DIPK1C: variants seen among roughly 807,000 people sequenced by gnomAD.
The protein encoded by DIPK1C is familial non-conventional Alzheimer's dementia.
Under a neutral mutation model 28.0 loss-of-function variants are expected in DIPK1C, and 33 were observed. The observed-to-expected ratio is 1.18, with a 90% CI of 0.89 to 1.58. DIPK1C has a LOEUF of 1.58. DIPK1C is among the 40% of genes most tolerant of loss of function. The pLI, the probability that DIPK1C is intolerant of heterozygous loss-of-function variation, is 0.00. For synonymous variants in DIPK1C, 255 were observed against 248.8 expected (o/e 1.02, Z -0.23); for missense variants, 569 against 568.5 (o/e 1.00, Z -0.01).
chr18:74,446,822 G>C lies in DIPK1C; in HGVS notation c.660C>G (p.Tyr220Ter). The C allele has an allele frequency of 1.3e-6, 2 of 1,497,568 alleles. No individual in the cohort carries two copies. Among genetic ancestry groups the C allele is most frequent in the Non-Finnish European group, 1.8e-6 (2 of 1,119,006 alleles). 92.8% of individuals were successfully genotyped at this position (1,497,568 alleles called of 1,614,324 possible). Reference protein sequence around the residue: ...LPVLGSCGHFYAVEFLAAGSP... With the variant: ...LPVLGSCGHF ...TGCCCGCGGCCAGGAACTCCACCGCGTAGAAGTGGCCGCAGGAACCCAGCA... is the reference window on the plus strand; with the variant it reads ...TGCCCGCGGCCAGGAACTCCACCGCCTAGAAGTGGCCGCAGGAACCCAGCA... The change falls in exon 2 of 4, where the codon TAC becomes TAG. Residue 220 changes from tyrosine to a stop codon, truncating the protein, a stop_gained. Coordinates refer to ENST00000343998, the MANE Select transcript of DIPK1C (RefSeq NM_001044369.3). LOFTEE classifies it high-confidence loss of function.
rs1986533700 is a variant in DIPK1C, at chr18:74,457,142, C to A, written c.118G>T (p.Ala40Ser). The change falls in exon 1 of 4, where the codon GCG becomes TCG. Residue 40 changes from alanine (A) to serine (S), a missense_variant. Coordinates refer to ENST00000343998, the MANE Select transcript of DIPK1C (RefSeq NM_001044369.3). Reference protein sequence around the residue: ...AWTAGWVLAAALLLRAHPGVL... With the variant: ...AWTAGWVLAASLLLRAHPGVL... Reference sequence around the variant, plus strand: ...CCCGGGTGCGCGCGGAGCAGCAGCGCGGCCGCCAGCACCCAGCCCGCGGTC... The same window carrying A: ...CCCGGGTGCGCGCGGAGCAGCAGCGAGGCCGCCAGCACCCAGCCCGCGGTC... 1.4e-6 allele frequency: 2 copies of A among 1,428,644 alleles called. No homozygotes were observed. Among genetic ancestry groups the A allele is most frequent in the Non-Finnish European group, 1.8e-6 (2 of 1,096,682 alleles). The allele number at this position is 1,428,644 out of a possible 1,614,324, so 88.5% of individuals were successfully genotyped here. A position where few individuals can be genotyped will look rare whatever the true frequency, so the allele number is the denominator to read the frequency against.
chr18:74,456,260 A>C (rs1986509342), intron 1 of DIPK1C, among the ~76,000 whole-genome samples: 1 of 152,234 alleles, frequency 6.6e-6, no homozygotes, highest in South Asian at 2.1e-4. Context: ...AATCAACTAA[A>C]GGTGGGCGTT....
intron 2 of DIPK1C, among the ~76,000 whole-genome samples, chr18:74,446,376 C>T (rs935156367): frequency 6.6e-6 from 1 of 152,224 alleles, no homozygotes; most frequent in African/African-American, 2.4e-5. Context: ...GCTGGCCCGG[C>T]CTCTGCCTCC....
At chr18:74,453,886 G>A (rs1986449578) in intron 1 of DIPK1C, among the ~76,000 whole-genome samples, 1 of 152,142 alleles carries the variant, frequency 6.6e-6, no homozygotes, top group Non-Finnish European at 1.5e-5. Flanking sequence ...ACTTCATAGA[G>A]GTTGTTGAGG....
intron 2 of DIPK1C, among the ~76,000 whole-genome samples, chr18:74,444,393 G>A (rs1986214173): frequency 6.6e-6 from 1 of 152,234 alleles, no homozygotes; most frequent in Non-Finnish European, 1.5e-5. Context: ...CACCTCTGCT[G>A]GGAGGCGCCC....
At chr18:74,458,602 T>TA (rs2144536714), upstream of DIPK1C, among the ~76,000 whole-genome samples, 1 of 11,164 alleles carries the variant, frequency 9.0e-5, no homozygotes, top group Non-Finnish European at 1.5e-4. Context: ...AACAGACCCT[T>TA]GGGGTTTGGG....
chr18:74,436,549 G>C lies in DIPK1C; in HGVS notation c.1212C>G (p.Arg404=). ...RAASSVFWKL[R]QLLQATLREL... is the part of the protein sequence containing the mutation. ...CCCTCAGTGTGGCTTGGAGGAGTTGGCGAAGCTTCCAGAACACGCTGGAGG... is the reference window on the plus strand; with the variant it reads ...CCCTCAGTGTGGCTTGGAGGAGTTGCCGAAGCTTCCAGAACACGCTGGAGG... Residue 404 remains arginine, a synonymous_variant, in exon 4 of 4, where the codon CGC becomes CGG. Coordinates refer to ENST00000343998, the MANE Select transcript of DIPK1C (RefSeq NM_001044369.3). 6.2e-7 allele frequency: 1 copy of C among 1,606,162 alleles called. No individual in the cohort carries two copies. The highest frequency in any genetic ancestry group is 8.5e-7 in the Non-Finnish European group (1 of 1,177,522).
upstream of DIPK1C, among the ~76,000 whole-genome samples, chr18:74,458,618 C>CTCAATCAACAGCAGGGTTTGGGTG (rs1986569511): frequency 6.6e-6 from 1 of 152,134 alleles, no homozygotes; most frequent in Non-Finnish European, 1.5e-5. Flanking sequence ...TTGGGTGTCA[C>CTCAATCAACAGCAGGGTTTGGGTG]TCAATCAACA....
At chr18:74,457,577 C>G (rs1442337666), upstream of DIPK1C, among the ~76,000 whole-genome samples, 5 of 152,176 alleles carry the variant, frequency 3.3e-5, no homozygotes, top group African/African-American at 1.2e-4. Context: ...TAGATTCAAT[C>G]GCCTCTCTCT....
chr18:74,455,681 T>C (rs1335680506), intron 1 of DIPK1C, among the ~76,000 whole-genome samples: 1 of 130,242 alleles, frequency 7.7e-6, no homozygotes, highest in Non-Finnish European at 1.5e-5. Flanking sequence ...TGAGCCGAGA[T>C]CACGCCATTG....
chr18:74,452,398 C>G (rs1368874284), intron 1 of DIPK1C, among the ~76,000 whole-genome samples: 1 of 150,954 alleles, frequency 6.6e-6, no homozygotes, highest in Non-Finnish European at 1.5e-5. Flanking sequence ...TTTCATCCAG[C>G]CTTTTAAAAA....
At chr18:74,440,207 G>T (rs941629281) in intron 3 of DIPK1C, among the ~76,000 whole-genome samples, 1 of 152,174 alleles carries the variant, frequency 6.6e-6, no homozygotes, top group Non-Finnish European at 1.5e-5. Context: ...GCCTCCCAAA[G>T]TGCTAGGATT....
At position 74,457,050 on chromosome 18, in the gene DIPK1C, G is replaced by A; in HGVS notation, c.198+12C>T. Reference sequence around the variant, plus strand: ...GACGCGCGGCGCGGGGCAGAGCGGCGGCGGGACCTACCAGCGCGGCCAGGA... The same window carrying A: ...GACGCGCGGCGCGGGGCAGAGCGGCAGCGGGACCTACCAGCGCGGCCAGGA... On this transcript the variant is annotated intron_variant, in intron 1 of 3. Coordinates refer to ENST00000343998, the MANE Select transcript of DIPK1C (RefSeq NM_001044369.3). 1 of 1,442,802 alleles carries A rather than the reference G, an allele frequency of 6.9e-7. No individual in the cohort carries two copies. Among genetic ancestry groups the A allele is most frequent in the Non-Finnish European group, 9.0e-7 (1 of 1,107,126 alleles). The allele number at this position is 1,442,802 out of a possible 1,614,324, so 89.4% of individuals were successfully genotyped here.
intron 1 of DIPK1C, among the ~76,000 whole-genome samples, chr18:74,456,407 G>A (rs1986512513): frequency 6.6e-6 from 1 of 152,272 alleles, no homozygotes; most frequent in African/African-American, 2.4e-5. Flanking sequence ...GGAGGCGCCT[G>A]TCGAGGACCG....
intron 1 of DIPK1C, among the ~76,000 whole-genome samples, chr18:74,454,609 A>G (rs1485479745): frequency 6.6e-6 from 1 of 152,218 alleles, no homozygotes; most frequent in Admixed American, 6.5e-5. Flanking sequence ...CAGGAAAATA[A>G]CAACCAGTTT....
rs970596624 is a variant in DIPK1C, at chr18:74,446,972, C to G, written c.510G>C (p.Pro170=). 1.3e-6 allele frequency: 2 copies of G among 1,512,232 alleles called. No individual in the cohort carries two copies. Among genetic ancestry groups the G allele is most frequent in the Admixed American group, 4.2e-5 (2 of 47,542 alleles). 93.7% of individuals were successfully genotyped at this position (1,512,232 alleles called of 1,614,324 possible). Residue 170 remains proline (P), a synonymous_variant, in exon 2 of 4, where the codon CCG becomes CCC. Transcript: ENST00000343998. Reference sequence around the variant, plus strand: ...GTGGGCCCCGCCTGCCCGGCCACCACGGCCCCAGGCTGCTGTTGGACAACT... The same window carrying G: ...GTGGGCCCCGCCTGCCCGGCCACCAGGGCCCCAGGCTGCTGTTGGACAACT... The part of the protein sequence containing the change: ...GLELSNSSLG[P]WWPGRRGPRW...
intron 3 of DIPK1C, 66 bp from the exon 4 acceptor site, chr18:74,436,785 A>G: frequency 2.1e-6 from 3 of 1,440,208 alleles, no homozygotes. Context: ...TCCCAAGCCC[A>G]GGATTGGTTC....
rs1986308895 is a variant in DIPK1C, at chr18:74,447,883, A to G, written c.199-600T>C. Among the ~76,000 whole-genome samples, 1 of 151,820 alleles carries G rather than the reference A, an allele frequency of 6.6e-6. No homozygotes were observed. Among genetic ancestry groups the G allele is most frequent in the South Asian group, 2.1e-4 (1 of 4,826 alleles). On this transcript the variant is annotated intron_variant, in intron 1 of 3. Coordinates refer to ENST00000343998, the MANE Select transcript of DIPK1C (RefSeq NM_001044369.3). The surrounding 1 kb of genome is among the most constrained non-coding windows in gnomAD (Gnocchi z 4.1). ...TAGAGGAGAAGCCTCTAGAGGACAC[A>G]TGAGTGGGCACAGGGCTCATGGCTG...
At chr18:74,456,861 G>A (rs1044896472) in intron 1 of DIPK1C, among the ~76,000 whole-genome samples, 1 of 152,196 alleles carries the variant, frequency 6.6e-6, no homozygotes, top group Non-Finnish European at 1.5e-5. Context: ...CACCCCCAGC[G>A]CGCCCACAGA....
Sources: gnomAD v4.1 joint callset for allele counts (sites outside exome capture counted in the v4.1 genomes callset) on GRCh38, gnomAD v4.1.1 for gene constraint, Gnocchi (gnomAD v3.1) non-coding constraint, MANE v1.5 for transcripts, NCBI Gene and HGNC (gene_info 2026-07-23, HGNC 2026-07-21) for gene names.